Variants in MYO3B observed in about 807,000 individuals in gnomAD.
MYO3B encodes myosin-IIIb.
A neutral mutation model predicts 174.6 loss-of-function variants in MYO3B; 156 were observed. The observed-to-expected ratio is 0.89, with a 90% CI of 0.78 to 1.02. The LOEUF (loss-of-function observed/expected upper bound fraction) is 1.02. MYO3B is among the 50% of genes least tolerant of loss of function. The probability of loss-of-function intolerance (pLI) is 0.00; values close to 1 mark genes in which losing one functional copy is unlikely to be tolerated. For missense variants in MYO3B, 1,632 were observed against 1,639.4 expected (o/e 1.00, Z 0.08); for synonymous variants, 563 against 569.1 (o/e 0.99, Z 0.15).
chr2:170,178,548 CCACACACACA>C (rs3066877), intron 1 of MYO3B, among the ~76,000 whole-genome samples: 1 of 151,164 alleles, frequency 6.6e-6, no homozygotes, highest in Admixed American at 6.6e-5. Context: ...CAGACACACA[CCACACACACA>C]CACACACACA....
chr2:170,269,672 A>G (rs554569436), intron 7 of MYO3B, among the ~76,000 whole-genome samples: 34 of 152,330 alleles, frequency 2.2e-4, no homozygotes, highest in African/African-American at 7.9e-4. Context: ...ATTTTCTCTT[A>G]ATATTAGGAA....
intron 1 of MYO3B, among the ~76,000 whole-genome samples, chr2:170,195,373 G>T (rs891019973): frequency 6.6e-6 from 1 of 152,100 alleles, no homozygotes; most frequent in African/African-American, 2.4e-5. Flanking sequence ...GCAGAGAGAA[G>T]AGAAGGAGCA....
intron 22 of MYO3B, among the ~76,000 whole-genome samples, chr2:170,427,918 A>G (rs1373609833): frequency 6.6e-6 from 1 of 152,218 alleles, no homozygotes; most frequent in African/African-American, 2.4e-5. Context: ...CAGTTTTTCA[A>G]AATGGCTGGT....
At chr2:170,535,671 G>A (rs1689643072) in intron 30 of MYO3B, among the ~76,000 whole-genome samples, 1 of 152,118 alleles carries the variant, frequency 6.6e-6, no homozygotes, top group African/African-American at 2.4e-5. Context: ...TCTGTGAATT[G>A]GGAACACTGG....
intron 32 of MYO3B, among the ~76,000 whole-genome samples, chr2:170,618,251 G>C (rs1695594655): frequency 6.6e-6 from 1 of 152,146 alleles, no homozygotes; most frequent in Non-Finnish European, 1.5e-5. Flanking sequence ...ATCCATCCAT[G>C]TCACGGCTCG....
At chr2:170,598,045 T>C (rs899193060) in intron 32 of MYO3B, among the ~76,000 whole-genome samples, 33 of 152,342 alleles carry the variant, frequency 2.2e-4, no homozygotes, top group Admixed American at 1.6e-3. Flanking sequence ...CAGGATCATA[T>C]GGGTCTTTTG....
At chr2:170,244,786 G>A (rs1376374604) in intron 7 of MYO3B, among the ~76,000 whole-genome samples, 5 of 152,142 alleles carry the variant, frequency 3.3e-5, no homozygotes, top group African/African-American at 1.2e-4. Flanking sequence ...TCCTTATTTG[G>A]TGTTAATTTG....
At chr2:170,593,663 A>G (rs1056226674) in intron 32 of MYO3B, among the ~76,000 whole-genome samples, 2 of 152,364 alleles carry the variant, frequency 1.3e-5, no homozygotes, top group East Asian at 3.9e-4. Flanking sequence ...TATTCACAAT[A>G]CATACTGGGA....
chr2:170,444,110 CT>C (rs1307728320), intron 23 of MYO3B, 64 bp downstream of exon 23: 2 of 1,414,298 alleles, frequency 1.4e-6, no homozygotes, highest in East Asian at 2.3e-5. Context: ...CAGGGATAAT[CT>C]TAGAGTGGGC....
rs774124830 is a variant in MYO3B, at chr2:170,652,971, T to A, written c.3888-12T>A. The A allele has an allele frequency of 6.2e-7, 1 of 1,612,828 alleles. No homozygotes were observed. The highest frequency in any genetic ancestry group is 8.5e-7 in the Non-Finnish European group (1 of 1,179,632). On this transcript the variant is annotated splice_polypyrimidine_tract_variant and intron_variant, in intron 34 of 34. Transcript: ENST00000408978. ...TTTTTTGTTGAAAATCCTGTTGTTT[T>A]CTTTGTTGCAGCCAAATCAAAGTAC...
At chr2:170,538,002 T>C (rs950708898) in intron 30 of MYO3B, among the ~76,000 whole-genome samples, 2 of 152,204 alleles carry the variant, frequency 1.3e-5, no homozygotes, top group South Asian at 2.1e-4. Flanking sequence ...TAACTTATAA[T>C]TGATAAAAGA....
rs61527598 is a variant in MYO3B at position 170,483,375 on chromosome 2, CTTTTTTTTT to C, written c.3015-15196_3015-15188del. Among the ~76,000 whole-genome samples the C allele has an allele frequency of 1.4e-4, 9 of 62,102 alleles. No individual in the cohort carries two copies. In the South Asian group the frequency reaches 2.2e-3, roughly 15 times the overall value. The allele number at this position is 62,102 out of a possible 152,430, so 40.7% of individuals were successfully genotyped here. On this transcript the variant is annotated intron_variant, in intron 25 of 34. Transcript: ENST00000408978. The stretch of plus-strand genomic sequence containing the variant: ...AATTAAAACTCCTTGCTTGGGGATT[CTTTTTTTTT>C]TTTTTTTTTTTTTTTTTTTTGAGAC...
intron 1 of MYO3B, among the ~76,000 whole-genome samples, chr2:170,186,917 T>A (rs2105310808): frequency 6.6e-6 from 1 of 152,190 alleles, no homozygotes; most frequent in Non-Finnish European, 1.5e-5. Flanking sequence ...ATATAGTTAC[T>A]CATAGTAGCC....
intron 6 of MYO3B, among the ~76,000 whole-genome samples, chr2:170,234,262 A>G (rs1056094300): frequency 1.8e-4 from 27 of 152,000 alleles, no homozygotes; most frequent in African/African-American, 6.0e-4. Context: ...ATTATCTGAG[A>G]CTGGGTAATT....
chr2:170,445,149 T>C (rs1423814895), intron 23 of MYO3B, among the ~76,000 whole-genome samples: 2 of 151,774 alleles, frequency 1.3e-5, no homozygotes, highest in South Asian at 2.1e-4. Flanking sequence ...ATTTAATATA[T>C]GTTTATTCTA....
intron 8 of MYO3B, among the ~76,000 whole-genome samples, chr2:170,354,443 A>G (rs557089033): frequency 6.6e-6 from 1 of 152,326 alleles, no homozygotes; most frequent in South Asian, 2.1e-4. Flanking sequence ...GTGAATTAAC[A>G]GTGGCTTCAA....
At chr2:170,346,611 A>G (rs1391527496) in intron 8 of MYO3B, among the ~76,000 whole-genome samples, 1 of 152,102 alleles carries the variant, frequency 6.6e-6, no homozygotes, top group African/African-American at 2.4e-5. Flanking sequence ...TATGTGTCAT[A>G]AGGGTTTATG....
chr2:170,191,581 C>T (rs2092541314), intron 1 of MYO3B, among the ~76,000 whole-genome samples: 1 of 152,078 alleles, frequency 6.6e-6, no homozygotes, highest in African/African-American at 2.4e-5. Context: ...TGAGTTCTGC[C>T]TGGTGTTACT....
intron 8 of MYO3B, among the ~76,000 whole-genome samples, chr2:170,354,616 C>G (rs1196170175): frequency 6.6e-6 from 1 of 152,156 alleles, no homozygotes; most frequent in African/African-American, 2.4e-5. Context: ...ACTGTCTCCC[C>G]CTCCCCCTTC....
Sources: allele counts gnomAD v4.1 joint callset (sites outside exome capture counted in the v4.1 genomes callset), GRCh38; gene constraint gnomAD v4.1.1; transcripts MANE v1.5; gene names NCBI Gene and HGNC (gene_info 2026-07-23, HGNC 2026-07-21).